The following TRIM69 variants were observed in gnomAD, a reference collection of about 807,000 sequenced individuals.
The protein encoded by TRIM69 is tripartite motif containing 69.
Under a neutral mutation model 37.7 loss-of-function variants are expected in TRIM69, and 29 were observed. The ratio of observed to expected loss-of-function variants is 0.77; its 90% CI spans 0.57 to 1.05. The LOEUF is 1.05. Ranked by LOEUF, TRIM69 falls within the 50% of genes least tolerant of loss-of-function variation. The pLI is 0.00. For missense variants in TRIM69, 596 were observed against 579.9 expected (o/e 1.03, Z -0.28); for synonymous variants, 209 against 212.4 (o/e 0.98, Z 0.14).
chr15:44,743,829 T>G (rs960468308), intron 1 of TRIM69, among the ~76,000 whole-genome samples: 33 of 152,248 alleles, frequency 2.2e-4, no homozygotes, highest in Admixed American at 9.8e-4. Context: ...AGGATGTGGA[T>G]AAATAGGAAC....
At chr15:44,739,702 T>C (rs796486085) in intron 1 of TRIM69, among the ~76,000 whole-genome samples, 7 of 151,660 alleles carry the variant, frequency 4.6e-5, no homozygotes, top group South Asian at 2.1e-4. Context: ...TGCCCAGGCT[T>C]GCTTAGGTAA....
At chr15:44,752,276 C>T (rs566603338) in intron 1 of TRIM69, among the ~76,000 whole-genome samples, 10 of 152,170 alleles carry the variant, frequency 6.6e-5, no homozygotes, top group Middle Eastern at 3.4e-3. Flanking sequence ...TTTTGCTACA[C>T]GTATTTTGAG....
chr15:44,744,704 A>G (rs1427568851), intron 1 of TRIM69, among the ~76,000 whole-genome samples: 1 of 152,154 alleles, frequency 6.6e-6, no homozygotes, highest in Non-Finnish European at 1.5e-5. Context: ...CTGACATTCC[A>G]ACTACAGGTA....
chr15:44,749,654 C>T (rs1411133575), intron 1 of TRIM69, among the ~76,000 whole-genome samples: 1 of 152,198 alleles, frequency 6.6e-6, no homozygotes, highest in Non-Finnish European at 1.5e-5. Context: ...ATTGCTTCCA[C>T]CTGTGCCTAT....
At position 44,758,620 on chromosome 15, in the gene TRIM69, G is replaced by A. The variant is rs760833290; in HGVS notation, c.580-1G>A. On this transcript the variant is annotated splice_acceptor_variant, in intron 3 of 6. Transcript: ENST00000329464. LOFTEE classifies it high-confidence loss of function. ...ATGGTGATAATCATGGAGGTTTCCA[G>A]GAAAACAAGCTACATCTGCAGCAAC... 7 of 1,613,976 alleles carry A rather than the reference G, an allele frequency of 4.3e-6. No individual in the cohort carries two copies. The South Asian group carries it at 6.6e-5, about 15-fold the overall frequency.
At position 44,736,670 on chromosome 15, in the gene TRIM69, G is replaced by A; in HGVS notation, c.-35G>A. 5.0e-6 allele frequency: 8 copies of A among 1,610,898 alleles called. No homozygotes were observed. The highest frequency in any genetic ancestry group is 6.8e-6 in the Non-Finnish European group (8 of 1,178,762). On this transcript the variant is annotated 5_prime_UTR_variant, in exon 1 of 7. In the 5' UTR this introduces an upstream ATG that the reference lacks. Coordinates refer to ENST00000329464, the MANE Select transcript of TRIM69 (RefSeq NM_182985.5). ...CTGGGCCTGCTGAGCTCTGATTCAA[G>A]TGCCTGCCTCTGCCCCTTGGTGGGC...
chr15:44,754,745 ACACT>A, intron 1 of TRIM69, 151 bp from the exon 2 acceptor site: 1 of 660,482 alleles, frequency 1.5e-6, no homozygotes, highest in Non-Finnish European at 2.7e-6. Flanking sequence ...ATTTCAGAAA[ACACT>A]CAAGTTACTG....
At chr15:44,756,495 G>A in intron 3 of TRIM69, 32 bp downstream of exon 3, 1 of 1,432,280 alleles carries the variant, frequency 7.0e-7, no homozygotes, top group Non-Finnish European at 9.6e-7. Flanking sequence ...TTATGAGATA[G>A]AACTGGAACA....
At chr15:44,741,331 A>G (rs2087280903) in intron 1 of TRIM69, among the ~76,000 whole-genome samples, 2 of 151,998 alleles carry the variant, frequency 1.3e-5, no homozygotes, top group Non-Finnish European at 2.9e-5. Flanking sequence ...GTAGAGGGAA[A>G]TTTATAGCAC....
chr15:44,765,772 C>CAAAACA (rs57289751), intron 6 of TRIM69, among the ~76,000 whole-genome samples: 1 of 140,704 alleles, frequency 7.1e-6, no homozygotes, highest in Non-Finnish European at 1.5e-5. Flanking sequence ...CAAAACAAAA[C>CAAAACA]AAACAAACAA....
chr15:44,754,787 CT>C (rs781388260), intron 1 of TRIM69, 112 bp from the exon 2 acceptor site: 23 of 766,372 alleles, frequency 3.0e-5, no homozygotes, highest in Non-Finnish European at 4.6e-5. Flanking sequence ...AGATTATGTG[CT>C]TTTACTTTAG....
At position 44,755,014 on chromosome 15, in the gene TRIM69, T is replaced by C; in HGVS notation, c.121T>C (p.Cys41Arg). The C allele has an allele frequency of 6.2e-7, 1 of 1,614,198 alleles. No individual in the cohort carries two copies. The highest frequency in any genetic ancestry group is 8.5e-7 in the Non-Finnish European group (1 of 1,180,014). The change falls in exon 2 of 7, where the codon TGC becomes CGC. Residue 41 changes from cysteine (C) to arginine (R), a missense_variant. Transcript: ENST00000329464. ...VIQDITMELH[C>R]PLCNDWFRDP... ...ACAAGATATTACTATGGAGCTACAC[T>C]GCCCTCTGTGCAATGATTGGTTCCG... is the stretch of plus-strand genomic sequence containing the variant.
Position 44,754,935 on chromosome 15 carries a change from C to A in TRIM69, c.42C>A (p.Gly14=), listed in dbSNP as rs763092205. 4 of 1,613,650 alleles carry A rather than the reference C, an allele frequency of 2.5e-6. No homozygotes were observed. Among genetic ancestry groups the A allele is most frequent in the Non-Finnish European group, 3.4e-6 (4 of 1,179,704 alleles). Residue 14 remains glycine (G), a synonymous_variant, in exon 2 of 7, where the codon GGC becomes GGA. Transcript: ENST00000329464. ...STNPSSNIDP[G]DYVEMNDSIT... ...ACCCCTCCTCCAACATCGATCCAGGCGACTATGTTGAAATGAATGATTCAA... is the reference window on the plus strand; with the variant it reads ...ACCCCTCCTCCAACATCGATCCAGGAGACTATGTTGAAATGAATGATTCAA...
In TRIM69 at chr15:44,759,646, A is replaced by G; in HGVS notation, c.820A>G (p.Thr274Ala). The change falls in exon 5 of 7, where the codon ACA becomes GCA. Residue 274 changes from threonine to alanine, a missense_variant. Coordinates refer to ENST00000329464, the MANE Select transcript of TRIM69 (RefSeq NM_182985.5). ...TCTTTCTCCTTTCTTCTAGGACATC[A>G]CAACTCTCTTACATAGGTAAGTGTT... ...QNSFDFLKDI[T>A]TLLHSLEQGM... The G allele has an allele frequency of 2.5e-6, 4 of 1,614,060 alleles. No homozygotes were observed. Among genetic ancestry groups the G allele is most frequent in the Non-Finnish European group, 1.7e-6 (2 of 1,179,944 alleles).
chr15:44,741,554 A>G (rs2087286072), intron 1 of TRIM69, among the ~76,000 whole-genome samples: 2 of 152,216 alleles, frequency 1.3e-5, no homozygotes, highest in South Asian at 4.1e-4. Flanking sequence ...GATCAACAAA[A>G]TTGATAGACT....
At chr15:44,765,905 A>C (rs2141152221) in intron 6 of TRIM69, among the ~76,000 whole-genome samples, 1 of 152,348 alleles carries the variant, frequency 6.6e-6, no homozygotes, top group Admixed American at 6.5e-5. Flanking sequence ...CATAGCTATT[A>C]GGTCTCCTTT....
chr15:44,748,580 T>C (rs1200564109), intron 1 of TRIM69, among the ~76,000 whole-genome samples: 1 of 151,918 alleles, frequency 6.6e-6, no homozygotes, highest in African/African-American at 2.4e-5. Flanking sequence ...ATCTCAGCAC[T>C]TTGGGAGGCC....
chr15:44,752,429 T>G (rs2087554383), intron 1 of TRIM69, among the ~76,000 whole-genome samples: 1 of 152,220 alleles, frequency 6.6e-6, no homozygotes, highest in South Asian at 2.1e-4. Flanking sequence ...TTTTACTTGA[T>G]ATTAGTAGAG....
chr15:44,736,604 T>C lies in TRIM69; in HGVS notation c.-101T>C. 1.4e-6 allele frequency: 2 copies of C among 1,462,540 alleles called. No individual in the cohort carries two copies. The highest frequency in any genetic ancestry group is 1.4e-5 in the African/African-American group (1 of 69,398). The allele number at this position is 1,462,540 out of a possible 1,614,324, so 90.6% of individuals were successfully genotyped here. On this transcript the variant is annotated 5_prime_UTR_variant, in exon 1 of 7. Coordinates refer to ENST00000329464, the MANE Select transcript of TRIM69 (RefSeq NM_182985.5). ...TTCCATCATGCTCTGAGCCCATTCC[T>C]TGAAAACTAAAAGGTCCCTGACTCC...
Sources: gnomAD v4.1 joint callset for allele counts (sites outside exome capture counted in the v4.1 genomes callset) on GRCh38, gnomAD v4.1.1 for gene constraint, MANE v1.5 for transcripts, NCBI Gene and HGNC (gene_info 2026-07-23, HGNC 2026-07-21) for gene names.